Variants in ANO10 observed in about 807,000 individuals in gnomAD.
ANO10 encodes anoctamin 10.
In ANO10, 77 loss-of-function variants were observed where a neutral mutation model predicts 74.7. That is an observed-to-expected ratio of 1.03 (90% confidence interval 0.86 to 1.25). The LOEUF (loss-of-function observed/expected upper bound fraction) is 1.25, where lower values mean the gene tolerates loss of function less well. Ranked by LOEUF, ANO10 falls within the 50% of genes most tolerant of loss-of-function variation. ANO10 has a pLI of 0.00. For missense variants in ANO10, 721 were observed against 778.1 expected, an observed-to-expected ratio of 0.93 and a Z score of 0.87; for synonymous variants, 279 against 284.9, an observed-to-expected ratio of 0.98 and a Z score of 0.21.
chr3:43,475,504 T>G (rs1361008131), intron 11 of ANO10, among the ~76,000 whole-genome samples: 1 of 152,220 alleles, frequency 6.6e-6, no homozygotes, highest in African/African-American at 2.4e-5. Flanking sequence ...CCCAAATGGC[T>G]TGCCATTTGT....
intron 1 of ANO10, among the ~76,000 whole-genome samples, chr3:43,669,145 C>T (rs2149576519): frequency 6.6e-6 from 1 of 152,162 alleles, no homozygotes; most frequent in South Asian, 2.1e-4. Flanking sequence ...CTGAAGCAAG[C>T]TGGAGTTGTG....
intron 11 of ANO10, among the ~76,000 whole-genome samples, chr3:43,460,577 A>G (rs2075333784): frequency 6.6e-6 from 1 of 152,184 alleles, no homozygotes; most frequent in African/African-American, 2.4e-5. Context: ...GCCTCTTGGA[A>G]AACCTCACCC....
chr3:43,486,495 T>C (rs531661523), intron 11 of ANO10, among the ~76,000 whole-genome samples: 1 of 150,748 alleles, frequency 6.6e-6, no homozygotes, highest in African/African-American at 2.4e-5. Context: ...AGCAGTGGTT[T>C]GTAGTTCTCC....
intron 1 of ANO10, among the ~76,000 whole-genome samples, chr3:43,656,467 T>C (rs2149570968): frequency 6.6e-6 from 1 of 151,966 alleles, no homozygotes; most frequent in Middle Eastern, 3.4e-3. Context: ...CTGGGCGCCA[T>C]GGAGCAGGGG....
At chr3:43,473,746 T>C (rs765131704) in intron 11 of ANO10, among the ~76,000 whole-genome samples, 35 of 152,168 alleles carry the variant, frequency 2.3e-4, no homozygotes, top group Middle Eastern at 3.2e-3. Context: ...CTGGACGTCA[T>C]AGGATGTTCA....
chr3:43,482,375 CAG>C (rs551100486), intron 11 of ANO10, among the ~76,000 whole-genome samples: 13 of 152,094 alleles, frequency 8.5e-5, no homozygotes, highest in Non-Finnish European at 1.6e-4. Flanking sequence ...AAATACTTCA[CAG>C]AGTTTGACTC....
chr3:43,563,778 C>A (rs1171400596), intron 8 of ANO10, among the ~76,000 whole-genome samples: 1 of 152,170 alleles, frequency 6.6e-6, no homozygotes, highest in African/African-American at 2.4e-5. Context: ...CAGGCTCCCA[C>A]TCACACTTGG....
intron 4 of ANO10, among the ~76,000 whole-genome samples, chr3:43,593,690 A>C (rs1249959157): frequency 1.3e-5 from 2 of 152,250 alleles, no homozygotes. Context: ...GGCTAGGAAG[A>C]AACTGCATCA....
intron 11 of ANO10, among the ~76,000 whole-genome samples, chr3:43,446,122 T>C (rs1280629721): frequency 6.6e-6 from 1 of 152,188 alleles, no homozygotes; most frequent in African/African-American, 2.4e-5. Flanking sequence ...TCCACTGTCA[T>C]CAGCTTCGGG....
chr3:43,689,035 T>C (rs77736514), intron 1 of ANO10, among the ~76,000 whole-genome samples: 4,071 of 151,504 alleles, frequency 0.027, 177 homozygotes, highest in African/African-American at 0.092. Flanking sequence ...AGCAAGAGAG[T>C]GAGGGGTAGG....
At chr3:43,498,810 A>C (rs1226021732) in intron 11 of ANO10, among the ~76,000 whole-genome samples, 2 of 152,220 alleles carry the variant, frequency 1.3e-5, no homozygotes, top group Non-Finnish European at 2.9e-5. Flanking sequence ...AGAGGGGAAT[A>C]AAAATCAGAA....
At chr3:43,418,000 C>T (rs1486479902) in intron 12 of ANO10, among the ~76,000 whole-genome samples, 7 of 152,194 alleles carry the variant, frequency 4.6e-5, no homozygotes, top group South Asian at 2.1e-4. Flanking sequence ...TAAGGAAGGC[C>T]GGGCGCAGTG....
intron 11 of ANO10, among the ~76,000 whole-genome samples, chr3:43,513,990 C>T (rs1380826676): frequency 1.3e-5 from 2 of 149,524 alleles, no homozygotes; most frequent in Non-Finnish European, 3.0e-5. Flanking sequence ...TTTTTGCTTG[C>T]TATTTTTATT....
chr3:43,675,180 A>G (rs1052193485), intron 1 of ANO10, among the ~76,000 whole-genome samples: 2 of 152,198 alleles, frequency 1.3e-5, no homozygotes, highest in Non-Finnish European at 2.9e-5. Context: ...ATAAGCAAAA[A>G]CAAAAACAAA....
chr3:43,475,580 TG>T (rs533373166), intron 11 of ANO10, among the ~76,000 whole-genome samples: 6 of 151,440 alleles, frequency 4.0e-5, no homozygotes, highest in African/African-American at 7.3e-5. Context: ...CACAAATTTG[TG>T]GGGGGGGTTC....
chr3:43,498,802 A>C (rs1369374849), intron 11 of ANO10, among the ~76,000 whole-genome samples: 1 of 152,232 alleles, frequency 6.6e-6, no homozygotes, highest in Non-Finnish European at 1.5e-5. Flanking sequence ...GTAGGGTAAG[A>C]GGGGAATAAA....
chr3:43,485,272 G>A (rs1281262580), intron 11 of ANO10: 7 of 609,626 alleles, frequency 1.1e-5, no homozygotes, highest in African/African-American at 3.7e-5. Flanking sequence ...GCTGTTTGCC[G>A]CCCTTTGCCA....
At chr3:43,555,804 CAG>C (rs2079720016) in intron 9 of ANO10, among the ~76,000 whole-genome samples, 1 of 152,180 alleles carries the variant, frequency 6.6e-6, no homozygotes, top group African/African-American at 2.4e-5. Context: ...TAGTGTAAGT[CAG>C]AGTCCACTTC....
intron 12 of ANO10, among the ~76,000 whole-genome samples, chr3:43,380,713 C>T (rs2091936117): frequency 6.6e-6 from 1 of 152,070 alleles, no homozygotes; most frequent in Non-Finnish European, 1.5e-5. Context: ...GAAACAAATC[C>T]TCAAAATACA....
Sources: allele counts gnomAD v4.1 joint callset (sites outside exome capture counted in the v4.1 genomes callset), GRCh38; gene constraint gnomAD v4.1.1; transcripts MANE v1.5; gene names NCBI Gene and HGNC (gene_info 2026-07-23, HGNC 2026-07-21).